The following QRICH1 variants were observed in gnomAD, a reference collection of about 807,000 sequenced individuals.
QRICH1 encodes glutamine rich 1, also known as transcriptional regulator QRICH1.
Under a neutral mutation model 87.1 loss-of-function variants are expected in QRICH1, and 16 were observed. The ratio of observed to expected loss-of-function variants is 0.18; its 90% CI spans 0.12 to 0.28. QRICH1 has a LOEUF of 0.28. QRICH1 is among the 10% of genes least tolerant of loss of function. The probability of loss-of-function intolerance (pLI) is 1.00; values close to 1 mark genes in which losing one functional copy is unlikely to be tolerated. For missense variants in QRICH1, 647 were observed against 951.7 expected, an observed-to-expected ratio of 0.68 and a Z score of 4.21; for synonymous variants, 367 against 368.4, an observed-to-expected ratio of 1.00 and a Z score of 0.05.
chr3:49,077,551 A>G (rs1212696060), intron 1 of QRICH1, among the ~76,000 whole-genome samples: 1 of 152,208 alleles, frequency 6.6e-6, no homozygotes, highest in African/African-American at 2.4e-5. Flanking sequence ...CCCATCAGAA[A>G]AACCAAAAAT....
At chr3:49,058,674 G>A (rs1189387882) in intron 2 of QRICH1, among the ~76,000 whole-genome samples, 1 of 151,814 alleles carries the variant, frequency 6.6e-6, no homozygotes. Context: ...TGTTGCCCAG[G>A]CTGGAGTGCA....
chr3:49,037,259 T>C (rs969936559), intron 6 of QRICH1, among the ~76,000 whole-genome samples: 1 of 151,532 alleles, frequency 6.6e-6, no homozygotes, highest in Non-Finnish European at 1.5e-5. Flanking sequence ...AAACAAAAAA[T>C]CCGGAATCAA....
At chr3:49,046,243 C>T (rs1463090380) in intron 5 of QRICH1, among the ~76,000 whole-genome samples, 182 bp downstream of exon 5, 1 of 146,328 alleles carries the variant, frequency 6.8e-6, no homozygotes, top group African/African-American at 2.5e-5. Flanking sequence ...CTAAAGTGAA[C>T]GTGTAGGTTT....
At chr3:49,079,544 T>C (rs552578970) in intron 1 of QRICH1, among the ~76,000 whole-genome samples, 29 of 149,318 alleles carry the variant, frequency 1.9e-4, no homozygotes, top group Non-Finnish European at 4.2e-4. Context: ...TATAATAAAA[T>C]AATAATAATT....
Position 49,076,963 on chromosome 3 carries a change from C to A in QRICH1, c.55G>T (p.Ala19Ser). 1 of 1,589,376 alleles carries A rather than the reference C, an allele frequency of 6.3e-7. No individual in the cohort carries two copies. The highest frequency in any genetic ancestry group is 8.6e-7 in the Non-Finnish European group (1 of 1,164,046). ...ISFEEYIRVK[A>S]RSVPQHRMKE... ...ATCCTGTGTTGCGGGACAGACCGTG[C>A]CTTTACTCGGATGTACTCTTCAAAG... Residue 19 changes from alanine to serine, a missense_variant, in exon 2 of 10, where the codon GCA (alanine) becomes TCA (serine). This residue lies in a region of QRICH1 where 56 missense variants were observed against 109.6 expected (regional missense o/e 0.51). Transcript: ENST00000395443.
chr3:49,079,466 AT>A (rs1474196073), intron 1 of QRICH1, among the ~76,000 whole-genome samples: 10 of 148,036 alleles, frequency 6.8e-5, no homozygotes, highest in South Asian at 2.1e-4. Context: ...TATAAATATA[AT>A]TTTTACATAA....
intron 6 of QRICH1, among the ~76,000 whole-genome samples, chr3:49,036,306 A>G (rs1018460978): frequency 1.3e-4 from 20 of 152,202 alleles, no homozygotes; most frequent in Admixed American, 1.2e-3. Context: ...TCTAGGAACA[A>G]TAAGCACCCC....
intron 1 of QRICH1, chr3:49,093,475 C>T (rs1039223279): frequency 1.3e-5 from 2 of 152,072 alleles, no homozygotes; most frequent in African/African-American, 4.8e-5. Flanking sequence ...CTCCTGCGCG[C>T]TCTCGAGGCA....
intron 2 of QRICH1, among the ~76,000 whole-genome samples, chr3:49,066,503 C>T (rs1438205184): frequency 6.7e-6 from 1 of 148,876 alleles, no homozygotes; most frequent in Non-Finnish European, 1.5e-5. Context: ...CTCACTCTGT[C>T]GCCTAGGCTG....
intron 2 of QRICH1, among the ~76,000 whole-genome samples, chr3:49,073,596 CT>C (rs1474827485): frequency 1.3e-5 from 2 of 151,126 alleles, no homozygotes; most frequent in Non-Finnish European, 2.9e-5. Flanking sequence ...AGTTTCTCGT[CT>C]TTCAGAAAGT....
Position 49,030,273 on chromosome 3 carries a change from G to A in QRICH1, c.*179C>T, listed in dbSNP as rs2093226729. 1.6e-6 allele frequency: 1 copy of A among 614,960 alleles called. No individual in the cohort carries two copies. The highest frequency in any genetic ancestry group is 3.0e-5 in the East Asian group (1 of 33,654). The allele number at this position is 614,960 out of a possible 1,614,324, so 38.1% of individuals were successfully genotyped here. ...ATCGGCTGAGGAGTCTGCCGCAGCA[G>A]GTTTATGAAGATGCAAAGGGGGCAA... is the stretch of plus-strand genomic sequence containing the variant. On this transcript the variant is annotated 3_prime_UTR_variant, in exon 10 of 10. Transcript: ENST00000395443.
chr3:49,044,866 G>A (rs1451586743), intron 5 of QRICH1, among the ~76,000 whole-genome samples: 6 of 152,124 alleles, frequency 3.9e-5, no homozygotes, highest in African/African-American at 7.2e-5. Flanking sequence ...TTCCTTGCCT[G>A]TAAATGGAGA....
intron 1 of QRICH1, chr3:49,093,559 G>C (rs536584659): frequency 6.6e-6 from 1 of 151,988 alleles, no homozygotes; most frequent in African/African-American, 2.4e-5. Flanking sequence ...AGAAAGCCGC[G>C]GTTGCCCACG....
At chr3:49,091,327 T>C (rs2042270938) in intron 1 of QRICH1, among the ~76,000 whole-genome samples, 1 of 152,158 alleles carries the variant, frequency 6.6e-6, no homozygotes, top group Admixed American at 6.5e-5. Context: ...AGAGTGGCCA[T>C]TTAAAAAGCA....
chr3:49,057,813 A>G lies in QRICH1; in HGVS notation c.387T>C (p.Thr129=). ...LSPQLTVHQP[T]EQPIQVQVQI... ...GCACCTGGACCTGGATGGGTTGCTC[A>G]GTAGGCTGGTGAACGGTGAGTTGTG... The change falls in exon 3 of 10, where the codon ACT becomes ACC. Residue 129 remains threonine, a synonymous_variant. Transcript: ENST00000395443. The surrounding 1 kb of genome is among the most constrained non-coding windows in gnomAD (Gnocchi z 5.4). 1 of 1,614,142 alleles carries G rather than the reference A, an allele frequency of 6.2e-7. No homozygotes were observed.
intron 3 of QRICH1, among the ~76,000 whole-genome samples, chr3:49,048,555 G>A (rs1247555248): frequency 2.7e-5 from 4 of 150,776 alleles, no homozygotes; most frequent in Non-Finnish European, 5.9e-5. Context: ...TTGGGAGGCC[G>A]AGGTGGGTGG....
chr3:49,036,204 C>A (rs1464071557), intron 6 of QRICH1, among the ~76,000 whole-genome samples: 2 of 152,152 alleles, frequency 1.3e-5, no homozygotes, highest in African/African-American at 4.8e-5. Flanking sequence ...CCTTATAGTT[C>A]TGAATCTGAA....
chr3:49,040,397 C>T (rs1559927046), intron 6 of QRICH1, among the ~76,000 whole-genome samples: 1 of 152,168 alleles, frequency 6.6e-6, no homozygotes, highest in Non-Finnish European at 1.5e-5. Context: ...AGCTGGAGCC[C>T]AGGAGTTGGA....
chr3:49,073,947 ATTT>A (rs909480980), intron 2 of QRICH1, among the ~76,000 whole-genome samples: 2 of 151,026 alleles, frequency 1.3e-5, no homozygotes, highest in African/African-American at 4.9e-5. Context: ...TCCCTGGGTA[ATTT>A]TTTTTTATTT....
Sources: allele counts gnomAD v4.1 joint callset (sites outside exome capture counted in the v4.1 genomes callset), GRCh38; gene constraint gnomAD v4.1.1; regional missense constraint gnomAD v4.1.1; non-coding constraint Gnocchi (gnomAD v3.1); transcripts MANE v1.5; gene names NCBI Gene and HGNC (gene_info 2026-07-23, HGNC 2026-07-21).